Variants in GIGYF2 observed in about 807,000 individuals in gnomAD.
GIGYF2 encodes GRB10-interacting GYF protein 2.
A neutral mutation model predicts 208.1 loss-of-function variants in GIGYF2; 25 were observed. The observed-to-expected ratio is 0.12, with a 90% CI of 0.09 to 0.17. GIGYF2 has a LOEUF of 0.17. Ranked by LOEUF, GIGYF2 falls within the 10% of genes least tolerant of loss-of-function variation. The pLI, the probability that GIGYF2 is intolerant of heterozygous loss-of-function variation, is 1.00. For synonymous variants in GIGYF2, 534 were observed against 543.8 expected (o/e 0.98, Z 0.25); for missense variants, 1,302 against 1,579.4 (o/e 0.82, Z 2.98).
intron 2 of GIGYF2, among the ~76,000 whole-genome samples, chr2:232,705,222 G>A (rs1255299778): frequency 3.3e-5 from 5 of 151,988 alleles, no homozygotes; most frequent in South Asian, 2.1e-4. Context: ...TATAGAATTC[G>A]CAGGGTCCAA....
chr2:232,859,222 C>T lies in GIGYF2; in HGVS notation c.*2362C>T, dbSNP rs1027583422. The T allele has an allele frequency of 6.6e-6, 1 of 152,202 alleles. No homozygotes were observed. The highest frequency in any genetic ancestry group is 6.5e-5 in the Admixed American group (1 of 15,276). The allele number at this position is 152,202 out of a possible 1,614,324, so 9.4% of individuals were successfully genotyped here. On this transcript the variant is annotated 3_prime_UTR_variant, in exon 29 of 29. Transcript: ENST00000373563. The stretch of plus-strand genomic sequence containing the variant: ...CCGTTTTCTCATCCCATTCTATGAA[C>T]TTATTTCCAAATTCTCCTAACTATT...
intron 8 of GIGYF2, among the ~76,000 whole-genome samples, chr2:232,779,410 T>G (rs1399433941): frequency 6.6e-6 from 1 of 152,234 alleles, no homozygotes; most frequent in East Asian, 1.9e-4. Context: ...TCTATAAATG[T>G]ATCACATTTT....
chr2:232,775,184 T>C (rs1472995480), intron 8 of GIGYF2, among the ~76,000 whole-genome samples: 1 of 152,102 alleles, frequency 6.6e-6, no homozygotes, highest in Non-Finnish European at 1.5e-5. Context: ...TGAATAACTA[T>C]TCTGTGGACT....
chr2:232,858,508 A>G lies in GIGYF2; in HGVS notation c.*1648A>G, dbSNP rs1690656497. ...TACTCTCCTTTGCTTTGTAAATTCA[A>G]AAGTTGGGGGTGGGTAAGAGGGATA... On this transcript the variant is annotated 3_prime_UTR_variant, in exon 29 of 29. Coordinates refer to ENST00000373563, the MANE Select transcript of GIGYF2 (RefSeq NM_001103146.3). 1 of 456,362 alleles carries G rather than the reference A, an allele frequency of 2.2e-6. No homozygotes were observed. The highest frequency in any genetic ancestry group is 2.0e-5 in the African/African-American group (1 of 50,072). The allele number at this position is 456,362 out of a possible 1,614,324, so 28.3% of individuals were successfully genotyped here.
At chr2:232,799,397 A>T (rs1015221641) in intron 14 of GIGYF2, among the ~76,000 whole-genome samples, 4 of 151,526 alleles carry the variant, frequency 2.6e-5, no homozygotes, top group Admixed American at 2.0e-4. Context: ...AAAAATAAAA[A>T]ATTAGCTGGG....
intron 28 of GIGYF2, among the ~76,000 whole-genome samples, chr2:232,852,422 A>T (rs1302112242): frequency 6.6e-6 from 1 of 152,064 alleles, no homozygotes; most frequent in Non-Finnish European, 1.5e-5. Flanking sequence ...GTGGGTGCCT[A>T]TAATCCCAGC....
At chr2:232,725,389 C>T (rs1316467588) in intron 2 of GIGYF2, among the ~76,000 whole-genome samples, 2 of 152,216 alleles carry the variant, frequency 1.3e-5, no homozygotes, top group Non-Finnish European at 2.9e-5. Context: ...GCACCTCCCC[C>T]TGTCCCCCTT....
chr2:232,825,222 A>G (rs1701213118), intron 21 of GIGYF2, among the ~76,000 whole-genome samples: 1 of 152,200 alleles, frequency 6.6e-6, no homozygotes, highest in African/African-American at 2.4e-5. Context: ...TAAGAAACAT[A>G]CTTCATAATG....
At position 232,721,852 on chromosome 2, in the gene GIGYF2, CT is replaced by C. The variant is rs564090883; in HGVS notation, c.-43-13302del. The stretch of plus-strand genomic sequence containing the variant: ...TTTAGAGTCTATGTAGCTGATCCAT[CT>C]GGTCCTCCCATGTTCCTGGTTTCTT... On this transcript the variant is annotated intron_variant, in intron 2 of 28. Transcript: ENST00000373563. 2.6e-3 allele frequency among the ~76,000 whole-genome samples: 395 copies of C among 152,304 alleles called. 10 individuals are homozygous for C. The highest frequency in any genetic ancestry group is 0.017 in the Admixed American group (257 of 15,294).
intron 23 of GIGYF2, among the ~76,000 whole-genome samples, chr2:232,842,767 T>C (rs1309303223): frequency 2.0e-5 from 3 of 152,124 alleles, no homozygotes; most frequent in Admixed American, 6.6e-5. Flanking sequence ...TACCTACTTA[T>C]AGGTGTGTTC....
At chr2:232,777,125 T>A (rs1011704448) in intron 8 of GIGYF2, among the ~76,000 whole-genome samples, 1 of 152,012 alleles carries the variant, frequency 6.6e-6, no homozygotes, top group Non-Finnish European at 1.5e-5. Context: ...TTTTTTTTTT[T>A]AAAGGCTGTA....
intron 3 of GIGYF2, among the ~76,000 whole-genome samples, chr2:232,744,526 TTTTC>T (rs573309597): frequency 9.4e-4 from 143 of 152,034 alleles, no homozygotes; most frequent in African/African-American, 2.3e-3. Flanking sequence ...TTGTGTTTTT[TTTTC>T]TTTCTTTCTT....
chr2:232,727,477 T>C (rs2106283294), intron 2 of GIGYF2, among the ~76,000 whole-genome samples: 1 of 152,354 alleles, frequency 6.6e-6, no homozygotes, highest in Non-Finnish European at 1.5e-5. Context: ...CACACTAGGC[T>C]GTTAACATGT....
At chr2:232,840,854 G>C (rs558269790) in intron 23 of GIGYF2, among the ~76,000 whole-genome samples, 4 of 152,268 alleles carry the variant, frequency 2.6e-5, no homozygotes, top group African/African-American at 9.6e-5. Context: ...GCTTTATGTG[G>C]ATATGATTTG....
chr2:232,810,990 G>A (rs1344427240), intron 16 of GIGYF2: 3 of 441,404 alleles, frequency 6.8e-6, no homozygotes, highest in Non-Finnish European at 1.2e-5. Context: ...AGACCACTTT[G>A]CACTGAATTG....
chr2:232,708,783 C>G (rs1014945948), intron 2 of GIGYF2, among the ~76,000 whole-genome samples: 1 of 151,660 alleles, frequency 6.6e-6, no homozygotes, highest in Non-Finnish European at 1.5e-5. Context: ...TCCCATTGCA[C>G]TCCAGCCTGG....
intron 8 of GIGYF2, among the ~76,000 whole-genome samples, chr2:232,781,167 C>T (rs1025632495): frequency 2.0e-5 from 3 of 152,008 alleles, no homozygotes; most frequent in African/African-American, 7.3e-5. Flanking sequence ...TCATGTTGGC[C>T]AGGCTGGTCT....
rs151156573 is a variant in GIGYF2 at position 232,701,792 on chromosome 2, A to C, written c.-109-1632A>C. ...TTGCAAAAAAAGTAGCCATGTTATA[A>C]TGTCCAAAGGTCATCCAACTTTACC... On this transcript the variant is annotated intron_variant, in intron 1 of 28. Coordinates refer to ENST00000373563, the MANE Select transcript of GIGYF2 (RefSeq NM_001103146.3). Among the ~76,000 whole-genome samples, 1,336 of 152,210 alleles carry C rather than the reference A, an allele frequency of 8.8e-3. 35 individuals are homozygous for C. Among genetic ancestry groups the C allele is most frequent in the Admixed American group, 0.055 (846 of 15,280 alleles).
At chr2:232,748,475 G>A (rs1487584403) in intron 4 of GIGYF2, among the ~76,000 whole-genome samples, 1 of 152,112 alleles carries the variant, frequency 6.6e-6, no homozygotes, top group African/African-American at 2.4e-5. Context: ...GGTAGAGATG[G>A]GATTTCACCA....
Sources: allele counts gnomAD v4.1 joint callset (sites outside exome capture counted in the v4.1 genomes callset), GRCh38; gene constraint gnomAD v4.1.1; transcripts MANE v1.5; gene names NCBI Gene and HGNC (gene_info 2026-07-23, HGNC 2026-07-21).